HIBCH: variants seen among roughly 807,000 people sequenced by gnomAD.
The protein encoded by HIBCH is 3-hydroxyisobutyryl-CoA hydrolase.
A neutral mutation model predicts 58.2 loss-of-function variants in HIBCH; 50 were observed. That is an observed-to-expected ratio of 0.86 (90% confidence interval 0.68 to 1.09). The LOEUF (loss-of-function observed/expected upper bound fraction) is 1.09, where lower values mean the gene tolerates loss of function less well. Among genes scored for constraint, HIBCH ranks in the 50% least tolerant of loss-of-function variants. The probability of loss-of-function intolerance (pLI) is 0.00; values close to 1 mark genes in which losing one functional copy is unlikely to be tolerated. For synonymous variants in HIBCH, 151 were observed against 146.9 expected (o/e 1.03, Z -0.20); for missense variants, 450 against 449.7 (o/e 1.00, Z -0.01).
chr2:190,248,928 C>A (rs1686687166), intron 9 of HIBCH, among the ~76,000 whole-genome samples: 1 of 151,858 alleles, frequency 6.6e-6, no homozygotes, highest in South Asian at 2.1e-4. Flanking sequence ...CCATTCTACA[C>A]CCTAGTCTTC....
Position 190,210,003 on chromosome 2 carries a change from TA to T in HIBCH, c.1012-1091del, listed in dbSNP as rs1314273651. On this transcript the variant is annotated intron_variant, in intron 12 of 13. Transcript: ENST00000359678. This position sits in a 1 kb window ranked among gnomAD's most constrained non-coding sequence, Gnocchi z 5.5. ...TTAACTACCATTAGTATCATCAACA[TA>T]ATCTTGTTTCTCTATTGGATCATTC... 2.0e-5 allele frequency among the ~76,000 whole-genome samples: 3 copies of T among 152,230 alleles called. No individual in the cohort carries two copies. The highest frequency in any genetic ancestry group is 2.9e-5 in the Non-Finnish European group (2 of 68,034).
intron 6 of HIBCH, among the ~76,000 whole-genome samples, chr2:190,285,332 T>A (rs550715268): frequency 5.7e-4 from 87 of 152,212 alleles, no homozygotes; most frequent in Non-Finnish European, 1.0e-3. Flanking sequence ...TTTTTCCTGG[T>A]TTCTTTCACA....
intron 11 of HIBCH, among the ~76,000 whole-genome samples, chr2:190,223,138 G>C (rs1457363829): frequency 2.6e-5 from 4 of 152,198 alleles, no homozygotes; most frequent in Non-Finnish European, 5.9e-5. Flanking sequence ...GGGGTTAGGG[G>C]AGGGATAACA....
chr2:190,296,841 A>G lies in HIBCH; in HGVS notation c.191T>C (p.Met64Thr). 2 of 1,614,088 alleles carry G rather than the reference A, an allele frequency of 1.2e-6. No individual in the cohort carries two copies. Among genetic ancestry groups the G allele is most frequent in the South Asian group, 1.1e-5 (1 of 91,080 alleles). The change falls in exon 3 of 14, where the codon ATG becomes ACG. Residue 64 changes from methionine (M) to threonine (T), a missense_variant. Physicochemically the swap from Met to Thr is moderately conservative, Grantham distance 81 (BLOSUM62 -1). Coordinates refer to ENST00000359678, the MANE Select transcript of HIBCH (RefSeq NM_014362.4). ...PKFLNALTLNMIRQIYPQLKK... is the reference protein window; with the variant it reads ...PKFLNALTLNTIRQIYPQLKK... ...TAGCTGTGGATAAATCTGCCGAATC[A>G]TATTAAGAGTCAGTGCATTGAGGAA...
Position 190,274,777 on chromosome 2 carries a change from A to G in HIBCH, c.438+12809T>C, listed in dbSNP as rs546171580. Among the ~76,000 whole-genome samples, 7 of 152,344 alleles carry G rather than the reference A, an allele frequency of 4.6e-5. No homozygotes were observed. In the South Asian group the frequency reaches 1.4e-3, roughly 32 times the overall value. Reference sequence around the variant, plus strand: ...AAGGATGTGAAGGAAGGTTACCACAAAAAGCATGGTAAATAAGAGAAACGA... The same window carrying G: ...AAGGATGTGAAGGAAGGTTACCACAGAAAGCATGGTAAATAAGAGAAACGA... On this transcript the variant is annotated intron_variant, in intron 6 of 13. Transcript: ENST00000359678.
chr2:190,193,087 G>C (rs1689792882), intron 1 of HIBCH, among the ~76,000 whole-genome samples: 1 of 151,980 alleles, frequency 6.6e-6, no homozygotes, highest in Non-Finnish European at 1.5e-5. Context: ...TCCTGTCATA[G>C]GGAAAAAGTG....
intron 2 of HIBCH, among the ~76,000 whole-genome samples, chr2:190,310,526 AC>A (rs1356486399): frequency 6.6e-6 from 1 of 152,206 alleles, no homozygotes; most frequent in African/African-American, 2.4e-5. Flanking sequence ...TAAGTAGTGA[AC>A]CCATTATTTA....
At position 190,220,002 on chromosome 2, in the gene HIBCH, AAGAG is replaced by A. The variant is rs546985153; in HGVS notation, c.892-6931_892-6928del. On this transcript the variant is annotated intron_variant, in intron 11 of 13. Transcript: ENST00000359678. Reference sequence around the variant, plus strand: ...TAAAAATAAATCTACTCACCTTGGAAAGAGAGAAGACAATTCAAGATTACGTACA... The same window carrying A: ...TAAAAATAAATCTACTCACCTTGGAAAGAAGACAATTCAAGATTACGTACA... 2.0e-4 allele frequency among the ~76,000 whole-genome samples: 30 copies of A among 152,318 alleles called. No homozygotes were observed. The South Asian group carries it at 6.2e-3, about 32-fold the overall frequency.
intron 6 of HIBCH, among the ~76,000 whole-genome samples, chr2:190,268,369 C>T (rs939910046): frequency 2.0e-5 from 3 of 152,114 alleles, no homozygotes; most frequent in African/African-American, 7.2e-5. Context: ...ATACAATCTA[C>T]TATAAACAAT....
chr2:190,298,659 T>C (rs145747739), intron 2 of HIBCH, among the ~76,000 whole-genome samples: 2 of 152,240 alleles, frequency 1.3e-5, no homozygotes, highest in East Asian at 3.9e-4. Context: ...GATGGGTAGA[T>C]TGCAAAATTT....
intron 5 of HIBCH, among the ~76,000 whole-genome samples, chr2:190,289,232 C>A (rs1380636714): frequency 2.6e-5 from 4 of 151,878 alleles, no homozygotes; most frequent in South Asian, 2.1e-4. Flanking sequence ...TTCATCAATT[C>A]ATATTTTTAG....
intron 6 of HIBCH, among the ~76,000 whole-genome samples, chr2:190,269,852 G>T (rs1687341120): frequency 6.6e-6 from 1 of 152,078 alleles, no homozygotes; most frequent in African/African-American, 2.4e-5. Flanking sequence ...ACTAAATAAA[G>T]AAAATGTGGC....
At chr2:190,317,846 C>CA (rs1303862635) in intron 1 of HIBCH, among the ~76,000 whole-genome samples, 2 of 146,478 alleles carry the variant, frequency 1.4e-5, no homozygotes, top group South Asian at 2.2e-4. Flanking sequence ...TTTTTTGAGA[C>CA]AGAGTCTCAC....
intron 11 of HIBCH, among the ~76,000 whole-genome samples, chr2:190,240,030 G>A (rs962559370): frequency 6.6e-6 from 1 of 152,156 alleles, no homozygotes; most frequent in Non-Finnish European, 1.5e-5. Context: ...AGTTAGGGAG[G>A]AGTCCCTCTT....
At chr2:190,212,390 T>C (rs760979942) in intron 12 of HIBCH, among the ~76,000 whole-genome samples, 1 of 152,174 alleles carries the variant, frequency 6.6e-6, no homozygotes, top group Non-Finnish European at 1.5e-5. Flanking sequence ...CCTCTGAACA[T>C]AAAGGATGAT....
At chr2:190,319,340 C>G (rs937928552) in intron 1 of HIBCH, among the ~76,000 whole-genome samples, 6 of 152,196 alleles carry the variant, frequency 3.9e-5, no homozygotes, top group Admixed American at 2.6e-4. Flanking sequence ...TGGCAAAGCA[C>G]CTGTGTGTGC....
chr2:190,268,707 A>G (rs1017360497), intron 6 of HIBCH, among the ~76,000 whole-genome samples: 2 of 152,224 alleles, frequency 1.3e-5, no homozygotes, highest in Non-Finnish European at 2.9e-5. Flanking sequence ...ACTTGCTCCC[A>G]TATTTCCAGA....
intron 6 of HIBCH, among the ~76,000 whole-genome samples, chr2:190,285,237 A>C (rs1866848): frequency 1 from 151,677 of 152,316 alleles, 75,524 homozygotes; most frequent in Non-Finnish European, 1. Flanking sequence ...AGTTTGCTCT[A>C]TCCTTATGGG....
At chr2:190,227,361 AGC>A (rs1233514910) in intron 11 of HIBCH, among the ~76,000 whole-genome samples, 4 of 152,218 alleles carry the variant, frequency 2.6e-5, no homozygotes, top group African/African-American at 9.7e-5. Flanking sequence ...AAAACTGGCT[AGC>A]CATATGTAGA....
Sources: gnomAD v4.1 joint callset for allele counts (sites outside exome capture counted in the v4.1 genomes callset) on GRCh38, gnomAD v4.1.1 for gene constraint, Gnocchi (gnomAD v3.1) non-coding constraint, MANE v1.5 for transcripts, NCBI Gene and HGNC (gene_info 2026-07-23, HGNC 2026-07-21) for gene names.